The following PTPN4 variants were observed in gnomAD, a reference collection of about 807,000 sequenced individuals.
PTPN4 encodes the protein protein tyrosine phosphatase non-receptor type 4, also known as tyrosine-protein phosphatase non-receptor type 4.
PTPN4 carries 49 observed loss-of-function variants against 135.5 expected under a neutral mutation model. The ratio of observed to expected loss-of-function variants is 0.36; its 90% CI spans 0.29 to 0.46. PTPN4 has a LOEUF of 0.46. Among genes scored for constraint, PTPN4 ranks in the 20% least tolerant of loss-of-function variants. The pLI is 1.00. For synonymous variants in PTPN4, 333 were observed against 369.9 expected, an observed-to-expected ratio of 0.90 and a Z score of 1.14; for missense variants, 860 against 1,101.0, an observed-to-expected ratio of 0.78 and a Z score of 3.10.
At chr2:119,882,406 T>A (rs1263580729) in intron 7 of PTPN4, 97 bp from the exon 8 acceptor site, 3 of 1,226,520 alleles carry the variant, frequency 2.4e-6, no homozygotes, top group Non-Finnish European at 2.3e-6. Context: ...ACATAAGTAT[T>A]TTACATCCAG....
chr2:119,832,217 A>G (rs995779290), intron 2 of PTPN4, among the ~76,000 whole-genome samples: 4 of 152,166 alleles, frequency 2.6e-5, no homozygotes, highest in Admixed American at 6.5e-5. Flanking sequence ...CCCTGGTTTC[A>G]CTTTGCTTTG....
At chr2:119,803,609 G>A (rs1405818746) in intron 1 of PTPN4, among the ~76,000 whole-genome samples, 1 of 152,074 alleles carries the variant, frequency 6.6e-6, no homozygotes, top group African/African-American at 2.4e-5. Context: ...ATGTTCAGTG[G>A]ATGTTTAAAA....
intron 1 of PTPN4, among the ~76,000 whole-genome samples, chr2:119,798,844 T>C (rs552323924): frequency 6.6e-6 from 1 of 152,346 alleles, no homozygotes; most frequent in South Asian, 2.1e-4. Flanking sequence ...CAGCTTATAG[T>C]GTCAGACTAA....
chr2:119,950,336 A>G (rs781054886), intron 18 of PTPN4, among the ~76,000 whole-genome samples: 2 of 152,214 alleles, frequency 1.3e-5, no homozygotes, highest in Admixed American at 6.5e-5. Flanking sequence ...ACTTCACTAC[A>G]TAAGTAGACA....
chr2:119,792,853 A>C (rs1166721634), intron 1 of PTPN4, among the ~76,000 whole-genome samples: 1 of 152,174 alleles, frequency 6.6e-6, no homozygotes, highest in Admixed American at 6.5e-5. Flanking sequence ...CAAAACCAGC[A>C]AGTTTTTATT....
chr2:119,818,556 A>G (rs146345391), intron 2 of PTPN4, among the ~76,000 whole-genome samples: 7 of 152,342 alleles, frequency 4.6e-5, no homozygotes, highest in African/African-American at 1.2e-4. Context: ...GATTACAGCT[A>G]TGAGCCACCA....
chr2:119,878,691 T>G (rs1019434975), intron 5 of PTPN4, among the ~76,000 whole-genome samples: 2 of 145,804 alleles, frequency 1.4e-5, no homozygotes, highest in Non-Finnish European at 3.0e-5. Context: ...AGGTGTTCCT[T>G]TTTTTTTTTT....
At chr2:119,800,943 G>T (rs1691350978) in intron 1 of PTPN4, among the ~76,000 whole-genome samples, 1 of 151,908 alleles carries the variant, frequency 6.6e-6, no homozygotes, top group Admixed American at 6.5e-5. Context: ...CAACAGTCTT[G>T]ATAAATGTAG....
At chr2:119,822,244 T>TC (rs1677078624) in intron 2 of PTPN4, among the ~76,000 whole-genome samples, 1 of 152,130 alleles carries the variant, frequency 6.6e-6, no homozygotes, top group African/African-American at 2.4e-5. Flanking sequence ...TTTGAGCCTT[T>TC]CTGTATATTT....
In PTPN4 at chr2:119,847,313, CACAT is replaced by C. The variant is rs1449734870; in HGVS notation, c.139-15221_139-15218del. ...ACACACACACACACACACACACACACACATATATATATATATTTTTTTTTTTTTT... is the reference window on the plus strand; with the variant it reads ...ACACACACACACACACACACACACACATATATATATATTTTTTTTTTTTTT... On this transcript the variant is annotated intron_variant, in intron 2 of 26. Coordinates refer to ENST00000263708, the MANE Select transcript of PTPN4 (RefSeq NM_002830.4). 2.5e-3 allele frequency among the ~76,000 whole-genome samples: 268 copies of C among 109,164 alleles called. 2 individuals carry two copies. The highest frequency in any genetic ancestry group is 9.7e-3 in the African/African-American group (257 of 26,444). 71.6% of individuals were successfully genotyped at this position (109,164 alleles called of 152,430 possible). A position where few individuals can be genotyped will look rare whatever the true frequency, so the allele number is the denominator to read the frequency against.
At chr2:119,812,067 T>C (rs538433112) in intron 2 of PTPN4, among the ~76,000 whole-genome samples, 3 of 152,276 alleles carry the variant, frequency 2.0e-5, no homozygotes, top group South Asian at 4.2e-4. Flanking sequence ...AATTGCTGGT[T>C]ATGTGGTATA....
intron 2 of PTPN4, among the ~76,000 whole-genome samples, chr2:119,840,332 G>C (rs1244206016): frequency 1.3e-5 from 2 of 152,092 alleles, no homozygotes; most frequent in African/African-American, 4.8e-5. Context: ...TCATCATTCA[G>C]CTCCCACTTA....
intron 3 of PTPN4, among the ~76,000 whole-genome samples, chr2:119,872,465 T>G (rs1352646052): frequency 6.6e-6 from 1 of 152,230 alleles, no homozygotes; most frequent in African/African-American, 2.4e-5. Flanking sequence ...GTACTTGATC[T>G]TTGCTATCTT....
chr2:119,848,163 T>C (rs999108054), intron 2 of PTPN4, among the ~76,000 whole-genome samples: 6 of 151,702 alleles, frequency 4.0e-5, no homozygotes, highest in African/African-American at 1.5e-4. Context: ...ATTTTTTTTT[T>C]CTCCTTTTTC....
At chr2:119,964,048 T>C (rs1241736459) in intron 24 of PTPN4, among the ~76,000 whole-genome samples, 1 of 152,212 alleles carries the variant, frequency 6.6e-6, no homozygotes, top group South Asian at 2.1e-4. Flanking sequence ...GGATTAATGA[T>C]AGCAGATACT....
intron 2 of PTPN4, among the ~76,000 whole-genome samples, chr2:119,835,459 G>A (rs927840272): frequency 2.0e-5 from 3 of 152,098 alleles, no homozygotes; most frequent in Non-Finnish European, 4.4e-5. Context: ...GGGATTACAG[G>A]TGTGAGCCAC....
chr2:119,830,091 G>A (rs569104079), intron 2 of PTPN4, among the ~76,000 whole-genome samples: 41 of 151,944 alleles, frequency 2.7e-4, no homozygotes, highest in Non-Finnish European at 4.7e-4. Context: ...GCATAATAAT[G>A]TTTCATGGGC....
chr2:119,885,668 C>A, intron 8 of PTPN4, 127 bp from the exon 9 acceptor site: 1 of 573,376 alleles, frequency 1.7e-6, no homozygotes, highest in Non-Finnish European at 3.0e-6. Context: ...AGGAGTAGTC[C>A]TGCATGGTGT....
At chr2:119,799,090 G>C (rs191368636) in intron 1 of PTPN4, among the ~76,000 whole-genome samples, 2 of 152,296 alleles carry the variant, frequency 1.3e-5, no homozygotes, top group East Asian at 3.9e-4. Context: ...TAGTTGTTAT[G>C]GCAGGTGAAG....
Sources: allele counts gnomAD v4.1 joint callset (sites outside exome capture counted in the v4.1 genomes callset), GRCh38; gene constraint gnomAD v4.1.1; transcripts MANE v1.5; gene names NCBI Gene and HGNC (gene_info 2026-07-23, HGNC 2026-07-21).